Variants in TNKS observed in about 807,000 individuals in gnomAD.
TNKS encodes tankyrase.
TNKS carries 72 observed loss-of-function variants against 135.8 expected under a neutral mutation model. That is an observed-to-expected ratio of 0.53 (90% CI 0.44 to 0.64). The LOEUF is 0.64. Ranked by LOEUF, TNKS falls within the 30% of genes least tolerant of loss-of-function variation. The probability of loss-of-function intolerance (pLI) is 0.00; values close to 1 mark genes in which losing one functional copy is unlikely to be tolerated. For missense variants in TNKS, 1,769 were observed against 1,674.0 expected, an observed-to-expected ratio of 1.06 and a Z score of -0.99; for synonymous variants, 849 against 649.3, an observed-to-expected ratio of 1.31 and a Z score of -4.68.
chr8:9,764,218 C>CAGTT, intron 22 of TNKS, among the ~76,000 whole-genome samples: 1 of 152,128 alleles, frequency 6.6e-6, no homozygotes, highest in South Asian at 2.1e-4. Context: ...AGTCAGAAGA[C>CAGTT]AGTTATTCCC....
Position 9,749,201 on chromosome 8 carries a change from G to A in TNKS, c.2832+989G>A, listed in dbSNP as rs77408363. 2.5e-3 allele frequency among the ~76,000 whole-genome samples: 382 copies of A among 152,238 alleles called. 1 individual carries two copies. The highest frequency in any genetic ancestry group is 8.6e-3 in the African/African-American group (358 of 41,520). ...TTGAAAGGAGAAGCAAAAATTTCGT[G>A]GCCATCTTTAATCAGCCACAGTCTT... On this transcript the variant is annotated intron_variant, in intron 18 of 26. Transcript: ENST00000310430.
chr8:9,656,267 G>T (rs1014796957), intron 3 of TNKS, among the ~76,000 whole-genome samples: 2 of 152,336 alleles, frequency 1.3e-5, no homozygotes, highest in African/African-American at 4.8e-5. Flanking sequence ...GTCCTGATTG[G>T]TGTACCTGAA....
chr8:9,759,844 G>A (rs533535476), intron 20 of TNKS, among the ~76,000 whole-genome samples: 19 of 152,122 alleles, frequency 1.2e-4, no homozygotes, highest in South Asian at 8.3e-4. Context: ...GCGTGGTGGC[G>A]GGCGCCTGTA....
intron 3 of TNKS, among the ~76,000 whole-genome samples, chr8:9,637,628 T>A (rs993801425): frequency 6.6e-5 from 10 of 152,156 alleles, no homozygotes; most frequent in African/African-American, 2.4e-4. Flanking sequence ...GACAGTATCC[T>A]TTTCTCCAGG....
Position 9,556,040 on chromosome 8 carries a change from C to G in TNKS, c.101C>G (p.Pro34Arg), listed in dbSNP as rs371322654. Residue 34 changes from proline to arginine, a missense_variant, in exon 1 of 27, where the codon CCA (proline) becomes CGA (arginine). Physicochemically the swap from Pro to Arg is moderately radical, Grantham distance 103. Transcript: ENST00000310430. The part of the protein sequence containing the change: ...ASAPPPPPPP[P>R]LSPGLAPGTT... ...GCGCCGCCGCCGCCACCTCCTCCCC[C>G]ACTCAGCCCTGGCCTGGCCCCGGGG... 26 of 1,611,564 alleles carry G rather than the reference C, an allele frequency of 1.6e-5. No homozygotes were observed. In the East Asian group the frequency reaches 2.2e-4, roughly 14 times the overall value.
At chr8:9,672,709 CACAAA>C (rs776623271) in intron 3 of TNKS, among the ~76,000 whole-genome samples, 3,192 of 91,690 alleles carry the variant, frequency 0.035, 47 homozygotes, top group Non-Finnish European at 0.052. Context: ...CACACACACA[CACAAA>C]AAAAAAAAAA....
intron 5 of TNKS, among the ~76,000 whole-genome samples, chr8:9,695,849 G>A (rs1344852623): frequency 1.3e-5 from 2 of 152,178 alleles, no homozygotes; most frequent in Non-Finnish European, 2.9e-5. Flanking sequence ...AATGAAGAAA[G>A]ACTCCCAAAG....
chr8:9,609,130 A>G (rs1799347791), intron 2 of TNKS, among the ~76,000 whole-genome samples: 1 of 152,152 alleles, frequency 6.6e-6, no homozygotes. Context: ...TATTAAACAC[A>G]ATAAGCATGG....
At chr8:9,609,918 C>T (rs1056104203) in intron 2 of TNKS, among the ~76,000 whole-genome samples, 3 of 152,068 alleles carry the variant, frequency 2.0e-5, no homozygotes, top group Non-Finnish European at 4.4e-5. Context: ...AGTGCAGTGG[C>T]ACAATCTCAG....
chr8:9,582,979 A>C (rs2129053812), intron 2 of TNKS, among the ~76,000 whole-genome samples: 1 of 152,132 alleles, frequency 6.6e-6, no homozygotes, highest in Non-Finnish European at 1.5e-5. Flanking sequence ...ATCCTGGCTA[A>C]CACGGTGAAA....
rs1806553228 is a variant in TNKS at position 9,751,813 on chromosome 8, G to T, written c.3037G>T (p.Gly1013Cys). The change falls in exon 19 of 27, where the codon GGC becomes TGC. Residue 1013 changes from glycine to cysteine, a missense_variant. By Grantham distance (159) the Gly-to-Cys change is radical. Transcript: ENST00000310430. ...AGGAGGAGCCTCCAATGCAGGGGAT[G>T]GCGCCGCGGGAACAGAAAGGAAGGA... The part of the protein sequence containing the change: ...AVGGASNAGD[G>C]AAGTERKEGE... 1.2e-6 allele frequency: 2 copies of T among 1,614,032 alleles called. No homozygotes were observed. Among genetic ancestry groups the T allele is most frequent in the Non-Finnish European group, 1.7e-6 (2 of 1,180,024 alleles).
In TNKS at chr8:9,556,892, C is replaced by CT. The variant is rs1585162138; in HGVS notation, c.673+283dup. On this transcript the variant is annotated intron_variant, in intron 1 of 26. Coordinates refer to ENST00000310430, the MANE Select transcript of TNKS (RefSeq NM_003747.3). ...GTCTCTGCATATGGATATATTTACA[C>CT]TTTAGTTTTTGGTGTGCAGGAATAC... is the stretch of plus-strand genomic sequence containing the variant. 9.2e-6 allele frequency: 5 copies of CT among 542,580 alleles called. No individual in the cohort carries two copies. The East Asian group carries it at 1.4e-4, about 16-fold the overall frequency. The allele number at this position is 542,580 out of a possible 1,614,324, so 33.6% of individuals were successfully genotyped here.
rs781002296 is a variant in TNKS, at chr8:9,679,280, G to C, written c.995-671G>C. Among the ~76,000 whole-genome samples the C allele has an allele frequency of 3.3e-5, 5 of 152,126 alleles. 1 individual carries two copies. The highest frequency in any genetic ancestry group is 7.4e-5 in the Non-Finnish European group (5 of 68,020). On this transcript the variant is annotated intron_variant, in intron 3 of 26. Coordinates refer to ENST00000310430, the MANE Select transcript of TNKS (RefSeq NM_003747.3). Reference sequence around the variant, plus strand: ...ATTTATATGAAGTATTAAGATTACAGCATGTCAGAATATTATTGCCATTTA... The same window carrying C: ...ATTTATATGAAGTATTAAGATTACACCATGTCAGAATATTATTGCCATTTA...
chr8:9,733,339 A>G lies in TNKS; in HGVS notation c.2208A>G (p.Leu736=). The change falls in exon 15 of 27, where the codon TTA becomes TTG. Residue 736 remains leucine, a synonymous_variant. Coordinates refer to ENST00000310430, the MANE Select transcript of TNKS (RefSeq NM_003747.3). ...GACACTATGAGGTGGCTGAGCTTTTAGTAAGGCATGGGGCTTCTGTCAATG... is the reference window on the plus strand; with the variant it reads ...GACACTATGAGGTGGCTGAGCTTTTGGTAAGGCATGGGGCTTCTGTCAATG... ...SYGHYEVAEL[L]VRHGASVNVA... 2.5e-6 allele frequency: 4 copies of G among 1,607,856 alleles called. No homozygotes were observed. Among genetic ancestry groups the G allele is most frequent in the Non-Finnish European group, 3.4e-6 (4 of 1,178,198 alleles).
intron 26 of TNKS, among the ~76,000 whole-genome samples, chr8:9,771,414 GATACTA>G (rs756398538): frequency 2.0e-5 from 2 of 101,080 alleles, no homozygotes; most frequent in Non-Finnish European, 4.7e-5. Context: ...AAGGGAGACA[GATACTA>G]AGGAAGGGAG....
intron 2 of TNKS, among the ~76,000 whole-genome samples, chr8:9,610,596 T>C (rs542348681): frequency 6.6e-6 from 1 of 152,148 alleles, no homozygotes; most frequent in East Asian, 1.9e-4. Context: ...TTAAAAATTT[T>C]CTTTGCTTAA....
At chr8:9,645,434 G>A (rs1476310495) in intron 3 of TNKS, among the ~76,000 whole-genome samples, 1 of 152,134 alleles carries the variant, frequency 6.6e-6, no homozygotes, top group Non-Finnish European at 1.5e-5. Context: ...ATAGTCTGAA[G>A]GGATAAAGAC....
At chr8:9,608,416 G>A (rs190104279) in intron 2 of TNKS, among the ~76,000 whole-genome samples, 1,574 of 152,200 alleles carry the variant, frequency 0.01, 34 homozygotes, top group South Asian at 0.015. Context: ...AGGTGCGTCA[G>A]GTGTGTTAAC....
chr8:9,689,973 T>C (rs1563169058), intron 5 of TNKS, among the ~76,000 whole-genome samples: 1 of 152,228 alleles, frequency 6.6e-6, no homozygotes, highest in Non-Finnish European at 1.5e-5. Flanking sequence ...ATTGAAAATA[T>C]TAGTTACAAA....
Sources: allele counts gnomAD v4.1 joint callset (sites outside exome capture counted in the v4.1 genomes callset), GRCh38; gene constraint gnomAD v4.1.1; transcripts MANE v1.5; gene names NCBI Gene and HGNC (gene_info 2026-07-23, HGNC 2026-07-21).